The following DCDC1 variants were observed in gnomAD, a reference collection of about 807,000 sequenced individuals.
The protein encoded by DCDC1 is doublecortin domain-containing protein 1.
In DCDC1, 200 loss-of-function variants were observed where a neutral mutation model predicts 178.3. That is an observed-to-expected ratio of 1.12 (90% CI 1.00 to 1.26). DCDC1 has a LOEUF of 1.26. DCDC1 is among the 50% of genes most tolerant of loss of function. The pLI is 0.00. For synonymous variants in DCDC1, 690 were observed against 604.8 expected, an observed-to-expected ratio of 1.14 and a Z score of -2.07; for missense variants, 1,983 against 1,749.2, an observed-to-expected ratio of 1.13 and a Z score of -2.38.
At chr11:31,323,719 A>G (rs1231074419) in intron 3 of DCDC1, among the ~76,000 whole-genome samples, 2 of 152,154 alleles carry the variant, frequency 1.3e-5, no homozygotes, top group Admixed American at 1.3e-4. Context: ...GGAAATGACC[A>G]TAAGTATGTT....
intron 7 of DCDC1, among the ~76,000 whole-genome samples, chr11:31,266,504 T>G (rs1397493646): frequency 6.6e-6 from 1 of 152,214 alleles, no homozygotes; most frequent in Non-Finnish European, 1.5e-5. Flanking sequence ...CATATTCATC[T>G]AAAAATATAA....
At chr11:31,230,071 C>T (rs11031325) in intron 9 of DCDC1, among the ~76,000 whole-genome samples, 39,913 of 151,992 alleles carry the variant, frequency 0.26, 5,412 homozygotes, top group African/African-American at 0.32. Context: ...AAAATTATCT[C>T]TGTTCACAGA....
chr11:31,067,605 C>T (rs1448063808), intron 18 of DCDC1, among the ~76,000 whole-genome samples: 1 of 152,036 alleles, frequency 6.6e-6, no homozygotes. Context: ...TTCATAGCAA[C>T]ATTATTCATA....
chr11:31,001,362 AAAT>A (rs1438630859), intron 20 of DCDC1, among the ~76,000 whole-genome samples: 2 of 152,212 alleles, frequency 1.3e-5, no homozygotes, highest in African/African-American at 2.4e-5. Flanking sequence ...GACAAAAAAA[AAAT>A]AATATGTCCT....
chr11:31,096,525 TA>T (rs1173024537), intron 15 of DCDC1, among the ~76,000 whole-genome samples: 1 of 152,194 alleles, frequency 6.6e-6, no homozygotes, highest in Non-Finnish European at 1.5e-5. Context: ...TTTAATCTTT[TA>T]ACAGTTGGCT....
chr11:31,090,627 C>A (rs1957768009), intron 17 of DCDC1, among the ~76,000 whole-genome samples: 1 of 152,148 alleles, frequency 6.6e-6, no homozygotes, highest in South Asian at 2.1e-4. Flanking sequence ...CATTCTTAAT[C>A]ATTACATGAT....
chr11:30,999,215 T>C (rs1234653451), intron 20 of DCDC1, among the ~76,000 whole-genome samples: 1 of 152,160 alleles, frequency 6.6e-6, no homozygotes, highest in African/African-American at 2.4e-5. Context: ...AAAGGTAACA[T>C]CAGTGGAAAA....
intron 20 of DCDC1, among the ~76,000 whole-genome samples, chr11:31,020,737 T>A (rs1043738872): frequency 9.9e-5 from 15 of 152,122 alleles, no homozygotes; most frequent in African/African-American, 3.6e-4. Flanking sequence ...GCACTTCTCC[T>A]ACTTTATAAT....
intron 20 of DCDC1, among the ~76,000 whole-genome samples, chr11:30,993,578 A>C (rs1249039646): frequency 6.6e-6 from 1 of 152,144 alleles, no homozygotes; most frequent in African/African-American, 2.4e-5. Flanking sequence ...AGACTGACAT[A>C]GAGAAAAACA....
At chr11:31,306,830 T>C (rs1278482316) in intron 4 of DCDC1, among the ~76,000 whole-genome samples, 1 of 152,126 alleles carries the variant, frequency 6.6e-6, no homozygotes, top group Admixed American at 6.6e-5. Flanking sequence ...GTTCTTTAAC[T>C]TTTTTAAAAA....
At chr11:31,334,636 G>A (rs1950179855) in intron 2 of DCDC1, among the ~76,000 whole-genome samples, 1 of 152,184 alleles carries the variant, frequency 6.6e-6, no homozygotes, top group South Asian at 2.1e-4. Context: ...TAACAGTCAA[G>A]TCCCTCAGCT....
In DCDC1 at chr11:31,043,390, C is replaced by A. The variant is rs1199632839; in HGVS notation, c.2591+21079G>T. ...GCTGACATCATGTTCCTTCTTCAAG[C>A]CTCCTGAAGGCAGAACTGAGATGGA... On this transcript the variant is annotated intron_variant, in intron 20 of 38. Coordinates refer to ENST00000684477, the MANE Select transcript of DCDC1 (RefSeq NM_001387274.1). Among the ~76,000 whole-genome samples the A allele has an allele frequency of 2.0e-5, 3 of 152,124 alleles. No individual in the cohort carries two copies. In the East Asian group the frequency reaches 5.8e-4, roughly 29 times the overall value.
At chr11:31,075,668 G>T (rs1328965894) in intron 18 of DCDC1, among the ~76,000 whole-genome samples, 6 of 152,056 alleles carry the variant, frequency 3.9e-5, no homozygotes, top group South Asian at 2.1e-4. Context: ...TTATACCCTT[G>T]TTGGCCATTT....
chr11:31,142,996 CAT>C (rs1304677352), intron 9 of DCDC1, among the ~76,000 whole-genome samples: 3 of 152,076 alleles, frequency 2.0e-5, no homozygotes, highest in African/African-American at 7.2e-5. Context: ...AATAATATGA[CAT>C]GTTTCCACAC....
intron 20 of DCDC1, among the ~76,000 whole-genome samples, chr11:31,021,408 G>A (rs745611323): frequency 6.6e-6 from 1 of 152,028 alleles, no homozygotes; most frequent in Non-Finnish European, 1.5e-5. Flanking sequence ...AAGTAAAAAC[G>A]GAGCACATTT....
chr11:30,905,567 G>A (rs1945000594), intron 30 of DCDC1, among the ~76,000 whole-genome samples: 1 of 152,166 alleles, frequency 6.6e-6, no homozygotes, highest in Non-Finnish European at 1.5e-5. Flanking sequence ...GATGAATGGG[G>A]AGGGGAATGG....
At chr11:30,977,566 A>G (rs1950169736) in intron 20 of DCDC1, among the ~76,000 whole-genome samples, 1 of 152,312 alleles carries the variant, frequency 6.6e-6, no homozygotes, top group Admixed American at 6.5e-5. Flanking sequence ...ATATTTAATG[A>G]ATATATTTGT....
chr11:30,945,375 C>G (rs1947946632), intron 21 of DCDC1, among the ~76,000 whole-genome samples: 1 of 151,896 alleles, frequency 6.6e-6, no homozygotes, highest in Admixed American at 6.6e-5. Flanking sequence ...ATTACTTGTA[C>G]TTTTATGCCA....
rs191389987 is a variant in DCDC1 at position 31,153,681 on chromosome 11, G to T, written c.1222-15897C>A. On this transcript the variant is annotated intron_variant, in intron 9 of 38. Coordinates refer to ENST00000684477, the MANE Select transcript of DCDC1 (RefSeq NM_001387274.1). ...GCCTGTAATCCCAGCTACTCGGAAG[G>T]CTGAGGCACAAGAATCGCTTGAACC... Among the ~76,000 whole-genome samples the T allele has an allele frequency of 6.6e-5, 10 of 151,988 alleles. 1 individual carries two copies. The East Asian group carries it at 1.4e-3, about 21-fold the overall frequency.
Sources: gnomAD v4.1 joint callset for allele counts (sites outside exome capture counted in the v4.1 genomes callset) on GRCh38, gnomAD v4.1.1 for gene constraint, MANE v1.5 for transcripts, NCBI Gene and HGNC (gene_info 2026-07-23, HGNC 2026-07-21) for gene names.